The following DMXL1 variants were observed in gnomAD, a reference collection of about 807,000 sequenced individuals.
DMXL1 encodes the protein Dmx like 1.
A neutral mutation model predicts 319.2 loss-of-function variants in DMXL1; 99 were observed. That is an observed-to-expected ratio of 0.31 (90% CI 0.26 to 0.37). The LOEUF is 0.37. DMXL1 is among the 10% of genes least tolerant of loss of function. The pLI is 1.00. For missense variants in DMXL1, 3,745 were observed against 3,595.6 expected (o/e 1.04, Z -1.06); for synonymous variants, 1,385 against 1,235.2 (o/e 1.12, Z -2.54).
intron 21 of DMXL1, 133 bp downstream of exon 21, chr5:119,165,413 A>G: frequency 1.8e-6 from 1 of 545,328 alleles, no homozygotes; most frequent in South Asian, 3.1e-5. Context: ...TATATTTAAA[A>G]GAGAGATTTC....
chr5:119,232,044 A>G (rs1028685291), intron 38 of DMXL1, among the ~76,000 whole-genome samples: 2 of 152,100 alleles, frequency 1.3e-5, no homozygotes, highest in African/African-American at 4.8e-5. Context: ...CTTACAGCAC[A>G]ATCAAGGCAC....
chr5:119,100,609 A>G (rs1437255360), intron 2 of DMXL1: 1 of 151,980 alleles, frequency 6.6e-6, no homozygotes, highest in Non-Finnish European at 1.5e-5. Flanking sequence ...GGAAAAGTTC[A>G]AATTGTTCAC....
chr5:119,210,426 C>A (rs1055207508), intron 34 of DMXL1, among the ~76,000 whole-genome samples: 13 of 152,150 alleles, frequency 8.5e-5, no homozygotes, highest in African/African-American at 3.1e-4. Flanking sequence ...TAGGTCTAAT[C>A]CATTTCAAGT....
intron 28 of DMXL1, among the ~76,000 whole-genome samples, chr5:119,181,103 A>G (rs933385532): frequency 2.0e-5 from 3 of 152,278 alleles, no homozygotes; most frequent in East Asian, 1.9e-4. Context: ...TTTTGCACCA[A>G]TCTTATTAAC....
In DMXL1 at chr5:119,196,048, A is replaced by G. The variant is rs139283426; in HGVS notation, c.7458-323A>G. Reference sequence around the variant, plus strand: ...TACAGTGTTCTGCTACCTGCTTTTTATTTATTACTACATACCGAAACTGAC... The same window carrying G: ...TACAGTGTTCTGCTACCTGCTTTTTGTTTATTACTACATACCGAAACTGAC... On this transcript the variant is annotated intron_variant, in intron 30 of 43. Coordinates refer to ENST00000539542, the MANE Select transcript of DMXL1 (RefSeq NM_001290321.3). Among the ~76,000 whole-genome samples, 33 of 152,172 alleles carry G rather than the reference A, an allele frequency of 2.2e-4. 1 individual carries two copies. In the East Asian group the frequency reaches 5.4e-3, roughly 25 times the overall value.
rs199660078 is a variant in DMXL1 at position 119,173,670 on chromosome 5, GTA to G, written c.6682-1589_6682-1588del. Among the ~76,000 whole-genome samples the G allele has an allele frequency of 1.2e-4, 12 of 104,208 alleles. No homozygotes were observed. The East Asian group carries it at 1.9e-3, about 17-fold the overall frequency. 68.4% of individuals were successfully genotyped at this position (104,208 alleles called of 152,430 possible). On this transcript the variant is annotated intron_variant, in intron 25 of 43. Coordinates refer to ENST00000539542, the MANE Select transcript of DMXL1 (RefSeq NM_001290321.3). ...ACCAAAGAAACAGAATCAGTAGGAT[GTA>G]TGTGTGTGTGTGTGTGTGTGTGTGT...
intron 1 of DMXL1, among the ~76,000 whole-genome samples, chr5:119,073,827 A>G (rs778699619): frequency 2.6e-5 from 4 of 152,000 alleles, no homozygotes; most frequent in Non-Finnish European, 4.4e-5. Flanking sequence ...GGACACTTAT[A>G]TACACCTTAA....
intron 34 of DMXL1, among the ~76,000 whole-genome samples, chr5:119,214,203 A>T (rs987209367): frequency 6.6e-6 from 1 of 151,832 alleles, no homozygotes; most frequent in African/African-American, 2.4e-5. Flanking sequence ...TGGTACCTTT[A>T]CTCACCCACC....
intron 4 of DMXL1, among the ~76,000 whole-genome samples, chr5:119,107,374 T>C (rs1048973403): frequency 1.3e-5 from 2 of 152,046 alleles, no homozygotes; most frequent in East Asian, 1.9e-4. Context: ...CTTTGAGACA[T>C]AGAAGTCATC....
chr5:119,086,579 TC>T (rs1179195481), intron 1 of DMXL1, among the ~76,000 whole-genome samples: 10 of 152,214 alleles, frequency 6.6e-5, no homozygotes, highest in Admixed American at 5.9e-4. Context: ...TTGGAAGTCT[TC>T]CTTTCTCTTC....
At chr5:119,110,344 A>C in intron 5 of DMXL1, 61 bp downstream of exon 5, 2 of 1,411,626 alleles carry the variant, frequency 1.4e-6, no homozygotes, top group East Asian at 5.3e-5. Context: ...TTTTATTATA[A>C]ATGTATTTTA....
chr5:119,111,912 G>T (rs1336339690), intron 5 of DMXL1, among the ~76,000 whole-genome samples: 1 of 152,018 alleles, frequency 6.6e-6, no homozygotes, highest in African/African-American at 2.4e-5. Flanking sequence ...AGTGTTTAGA[G>T]AAATAGGTGC....
chr5:119,122,224 C>A (rs1401937903), intron 9 of DMXL1, among the ~76,000 whole-genome samples: 3 of 141,202 alleles, frequency 2.1e-5, no homozygotes, highest in Non-Finnish European at 4.7e-5. Flanking sequence ...GGCAGAGGCG[C>A]CCCTCACCTC....
intron 32 of DMXL1, among the ~76,000 whole-genome samples, chr5:119,200,184 T>G (rs1035076180): frequency 2.6e-5 from 4 of 152,196 alleles, no homozygotes; most frequent in African/African-American, 9.7e-5. Context: ...CTAGGTTGTT[T>G]GCTAAAATTT....
intron 7 of DMXL1, among the ~76,000 whole-genome samples, chr5:119,118,605 T>C (rs1443121935): frequency 6.6e-6 from 1 of 152,138 alleles, no homozygotes; most frequent in Non-Finnish European, 1.5e-5. Flanking sequence ...GAAAGAACGT[T>C]TGGCAACATT....
At chr5:119,178,541 C>G (rs1197006164) in intron 28 of DMXL1, 1 of 890,504 alleles carries the variant, frequency 1.1e-6, no homozygotes, top group African/African-American at 1.8e-5. Context: ...TTTGTTCTAT[C>G]CCAAATACGG....
chr5:119,141,081 A>G (rs951414140), intron 13 of DMXL1, among the ~76,000 whole-genome samples: 2 of 152,196 alleles, frequency 1.3e-5, no homozygotes, highest in African/African-American at 4.8e-5. Context: ...CTCTCAATAA[A>G]CTAGGTGTTG....
chr5:119,138,371 C>T (rs1050517021), intron 13 of DMXL1, among the ~76,000 whole-genome samples: 2 of 152,156 alleles, frequency 1.3e-5, no homozygotes, highest in Non-Finnish European at 2.9e-5. Flanking sequence ...ATTCAAGAGT[C>T]TGGCTTTGGT....
At chr5:119,231,614 A>C (rs1246183723) in intron 38 of DMXL1, among the ~76,000 whole-genome samples, 1 of 152,216 alleles carries the variant, frequency 6.6e-6, no homozygotes, top group Non-Finnish European at 1.5e-5. Context: ...AAACATAGGT[A>C]CATTAAAAAT....
Sources: allele counts gnomAD v4.1 joint callset (sites outside exome capture counted in the v4.1 genomes callset), GRCh38; gene constraint gnomAD v4.1.1; transcripts MANE v1.5; gene names NCBI Gene and HGNC (gene_info 2026-07-23, HGNC 2026-07-21).